The following DHRS7B variants were observed in gnomAD, a reference collection of about 807,000 sequenced individuals.
DHRS7B encodes peroxisomal reductase activating PPAR-gamma.
In DHRS7B, 24 loss-of-function variants were observed where a neutral mutation model predicts 26.4. The observed-to-expected ratio is 0.91, with a 90% CI of 0.66 to 1.28. The LOEUF is 1.28. Ranked by LOEUF, DHRS7B falls within the 50% of genes most tolerant of loss-of-function variation. The pLI, the probability that DHRS7B is intolerant of heterozygous loss-of-function variation, is 0.00. For synonymous variants in DHRS7B, 142 were observed against 166.4 expected, an observed-to-expected ratio of 0.85 and a Z score of 1.13; for missense variants, 368 against 419.4, an observed-to-expected ratio of 0.88 and a Z score of 1.07.
intron 2 of DHRS7B, 115 bp downstream of exon 2, chr17:21,172,311 A>G (rs1974275068): frequency 2.3e-6 from 3 of 1,299,660 alleles, no homozygotes; most frequent in Admixed American, 2.0e-5. Flanking sequence ...GCAGAAGGCC[A>G]GATAAGGGAA....
chr17:21,162,917 C>T (rs959057399), intron 1 of DHRS7B, among the ~76,000 whole-genome samples: 3 of 151,962 alleles, frequency 2.0e-5, no homozygotes, highest in Non-Finnish European at 4.4e-5. Flanking sequence ...AGGTTTAGGC[C>T]GGGCACAGTG....
chr17:21,158,050 C>T (rs1973919083), intron 1 of DHRS7B, among the ~76,000 whole-genome samples: 1 of 152,122 alleles, frequency 6.6e-6, no homozygotes, highest in South Asian at 2.1e-4. Flanking sequence ...ATATCTATCT[C>T]TGATTCATGA....
chr17:21,178,366 T>C (rs116883245), intron 3 of DHRS7B, 24 bp downstream of exon 3: 26,785 of 1,602,308 alleles, frequency 0.017, 296 homozygotes, highest in Non-Finnish European at 0.018. Context: ...GTGCTTTCCA[T>C]GGGGAAGGAG....
chr17:21,151,933 C>T (rs1973780576), intron 1 of DHRS7B, among the ~76,000 whole-genome samples: 1 of 152,164 alleles, frequency 6.6e-6, no homozygotes, highest in Admixed American at 6.5e-5. Flanking sequence ...AGTGAGTTTT[C>T]ACAAGATCTG....
intron 5 of DHRS7B, among the ~76,000 whole-genome samples, chr17:21,186,305 C>T (rs751843322): frequency 5.9e-5 from 9 of 152,356 alleles, no homozygotes; most frequent in Admixed American, 1.3e-4. Flanking sequence ...TGGCCAGCGG[C>T]GAGGTCAGCA....
intron 1 of DHRS7B, among the ~76,000 whole-genome samples, chr17:21,154,050 G>A (rs956105015): frequency 1.3e-5 from 2 of 152,156 alleles, no homozygotes; most frequent in Non-Finnish European, 2.9e-5. Context: ...GCTCATGCCT[G>A]TAAATCCCAG....
rs780800134 is a variant in DHRS7B at position 21,190,974 on chromosome 17, C to T, written c.799C>T (p.Arg267Ter). The T allele has an allele frequency of 7.4e-6, 12 of 1,614,118 alleles. No homozygotes were observed. Among genetic ancestry groups the T allele is most frequent in the South Asian group, 2.2e-5 (2 of 91,092 alleles). ...GVMDTTTAQG[R>*]SPVEVAQDVL... ...TATGGACACCACCACAGCCCAGGGC[C>T]GAAGCCCTGTGGAGGTGGCCCAGGA... The change falls in exon 7 of 7, where the codon CGA becomes TGA. Residue 267 changes from arginine to a stop codon, truncating the protein, a stop_gained. Transcript: ENST00000395511. LOFTEE classifies it low-confidence loss of function (END_TRUNC).
intron 6 of DHRS7B, among the ~76,000 whole-genome samples, chr17:21,189,998 C>A (rs1039035498): frequency 6.6e-6 from 1 of 152,104 alleles, no homozygotes; most frequent in Non-Finnish European, 1.5e-5. Flanking sequence ...CAAGACCTAA[C>A]CTCCACAAAA....
chr17:21,164,030 C>CTTTGTTTTTTTTTTTTTTT (rs1974055283), intron 1 of DHRS7B, among the ~76,000 whole-genome samples: 4 of 96,976 alleles, frequency 4.1e-5, no homozygotes, highest in East Asian at 2.9e-4. Context: ...AATTGTTGTG[C>CTTTGTTTTTTTTTTTTTTT]TTTTTTTTTT....
At position 21,172,150 on chromosome 17, in the gene DHRS7B, G is replaced by C. The variant is rs756536994; in HGVS notation, c.153G>C (p.Arg51=). 3.1e-6 allele frequency: 5 copies of C among 1,613,932 alleles called. No homozygotes were observed. In the South Asian group the frequency reaches 5.5e-5, roughly 18 times the overall value. Residue 51 remains arginine, a synonymous_variant, in exon 2 of 7, where the codon CGG becomes CGC. Coordinates refer to ENST00000395511, the MANE Select transcript of DHRS7B (RefSeq NM_015510.5). The stretch of plus-strand genomic sequence containing the variant: ...GGGTGCGCGGGAAGGCCTACCTGCG[G>C]AATGCTGTGGTGGTGATCACAGGCG... ...LQWVRGKAYL[R]NAVVVITGAT...
chr17:21,142,283 AGT>A (rs1026289686), intron 1 of DHRS7B, among the ~76,000 whole-genome samples: 104 of 152,294 alleles, frequency 6.8e-4, no homozygotes, highest in African/African-American at 2.3e-3. Flanking sequence ...GAGGTTTCAC[AGT>A]GTCTTTCCAT....
At chr17:21,148,660 C>T (rs896137365) in intron 1 of DHRS7B, among the ~76,000 whole-genome samples, 14 of 152,122 alleles carry the variant, frequency 9.2e-5, no homozygotes, top group African/African-American at 2.4e-4. Context: ...GCAGGAGAAT[C>T]GCTTGAACCT....
chr17:21,138,075 A>AAAAAAT (rs1238830544), intron 1 of DHRS7B, among the ~76,000 whole-genome samples: 2 of 33,228 alleles, frequency 6.0e-5, no homozygotes, highest in Non-Finnish European at 1.3e-4. Context: ...TTAAAAAAAA[A>AAAAAAT]ATATATATAT....
chr17:21,180,055 C>G (rs528042602), intron 3 of DHRS7B, among the ~76,000 whole-genome samples: 1 of 151,192 alleles, frequency 6.6e-6, no homozygotes, highest in Admixed American at 6.6e-5. Context: ...GCATGAGCCA[C>G]CATGCCCAGC....
Position 21,129,801 on chromosome 17 carries a change from A to C in DHRS7B, c.20+2810A>C, listed in dbSNP as rs1172508514. Among the ~76,000 whole-genome samples the C allele has an allele frequency of 4.6e-5, 7 of 152,278 alleles. No homozygotes were observed. In the East Asian group the frequency reaches 1.4e-3, roughly 29 times the overall value. On this transcript the variant is annotated intron_variant, in intron 1 of 6. Coordinates refer to ENST00000395511, the MANE Select transcript of DHRS7B (RefSeq NM_015510.5). ...ATGCTAATGCAGTTTCTTTCAGAAA[A>C]GAAATCCCACCACTTATTTGTATGC...
chr17:21,171,096 C>T (rs2144122088), intron 1 of DHRS7B, among the ~76,000 whole-genome samples: 1 of 152,264 alleles, frequency 6.6e-6, no homozygotes, highest in Admixed American at 6.5e-5. Context: ...GTCAAGTGGC[C>T]TTCCAGGGCA....
At chr17:21,179,924 G>A (rs1974477854) in intron 3 of DHRS7B, among the ~76,000 whole-genome samples, 3 of 149,426 alleles carry the variant, frequency 2.0e-5, no homozygotes, top group Middle Eastern at 3.8e-3. Flanking sequence ...GCGCCACCAC[G>A]CCCGGCTAAT....
rs943300988 is a variant in DHRS7B, at chr17:21,166,485, C to CTT, written c.21-5524_21-5523dup. 183 of 921,800 alleles carry CTT rather than the reference C, an allele frequency of 2.0e-4. No individual in the cohort carries two copies. In the African/African-American group the frequency reaches 3.0e-3, roughly 15 times the overall value. The allele number at this position is 921,800 out of a possible 1,614,324, so 57.1% of individuals were successfully genotyped here. ...CTGCCATCTGAGGTAGGATATTGTT[C>CTT]TTTTTTTTTTCCAGTCGAAGGCGGC... is the stretch of plus-strand genomic sequence containing the variant. On this transcript the variant is annotated intron_variant, in intron 1 of 6. Transcript: ENST00000395511.
intron 1 of DHRS7B, among the ~76,000 whole-genome samples, chr17:21,160,903 A>C (rs574275519): frequency 1.3e-5 from 2 of 152,246 alleles, no homozygotes; most frequent in Admixed American, 1.3e-4. Flanking sequence ...CTATGAAGCT[A>C]TGAAAAGACA....
Sources: allele counts gnomAD v4.1 joint callset (sites outside exome capture counted in the v4.1 genomes callset), GRCh38; gene constraint gnomAD v4.1.1; transcripts MANE v1.5; gene names NCBI Gene and HGNC (gene_info 2026-07-23, HGNC 2026-07-21).